Variants in HIPK2 observed in about 807,000 individuals in gnomAD.
HIPK2 encodes homeodomain interacting protein kinase 2.
A neutral mutation model predicts 113.7 loss-of-function variants in HIPK2; 27 were observed. The observed-to-expected ratio is 0.24, with a 90% CI of 0.17 to 0.33. The LOEUF is 0.33. HIPK2 is among the 10% of genes least tolerant of loss of function. HIPK2 has a pLI of 1.00. For synonymous variants in HIPK2, 631 were observed against 642.2 expected (o/e 0.98, Z 0.26); for missense variants, 1,257 against 1,588.0 (o/e 0.79, Z 3.54).
rs185367186 is a variant in HIPK2, at chr7:139,686,270, T to C, written c.1103+29662A>G. Reference sequence around the variant, plus strand: ...ATGTGACTGAATTGCTGCACTCTCATGATCAAACTTAAATGGATGAGGAGT... The same window carrying C: ...ATGTGACTGAATTGCTGCACTCTCACGATCAAACTTAAATGGATGAGGAGT... On this transcript the variant is annotated intron_variant, in intron 2 of 14. Coordinates refer to ENST00000406875, the MANE Select transcript of HIPK2 (RefSeq NM_022740.5). 1.9e-4 allele frequency among the ~76,000 whole-genome samples: 29 copies of C among 152,320 alleles called. No homozygotes were observed. The East Asian group carries it at 5.2e-3, about 27-fold the overall frequency.
rs530921804 is a variant in HIPK2 at position 139,611,015 on chromosome 7, C to T, written c.2112+2187G>A. On this transcript the variant is annotated intron_variant, in intron 9 of 14. Coordinates refer to ENST00000406875, the MANE Select transcript of HIPK2 (RefSeq NM_022740.5). ...TCCAATCAGATCATGCCTCATTACC[C>T]TATGCTTATAAAACCTGACCCAGCC... Among the ~76,000 whole-genome samples the T allele has an allele frequency of 2.6e-5, 4 of 152,350 alleles. No homozygotes were observed. In the East Asian group the frequency reaches 5.8e-4, roughly 22 times the overall value.
intron 10 of HIPK2, among the ~76,000 whole-genome samples, chr7:139,602,233 G>GT (rs1323165107): frequency 2.0e-5 from 3 of 152,162 alleles, no homozygotes; most frequent in Admixed American, 6.5e-5. Context: ...GATTACAGAC[G>GT]TGAGCCACTG....
chr7:139,775,063 T>G (rs1796717597), intron 1 of HIPK2, among the ~76,000 whole-genome samples: 1 of 152,236 alleles, frequency 6.6e-6, no homozygotes, highest in South Asian at 2.1e-4. Flanking sequence ...TCCAACTTGG[T>G]GCAGCAGCAC....
chr7:139,598,589 T>C (rs1249554180), intron 11 of HIPK2, among the ~76,000 whole-genome samples: 2 of 152,224 alleles, frequency 1.3e-5, no homozygotes, highest in African/African-American at 4.8e-5. Context: ...TGCTAAGGCA[T>C]TGGTCTTAAA....
At chr7:139,692,701 A>C (rs942722773) in intron 2 of HIPK2, among the ~76,000 whole-genome samples, 9 of 152,182 alleles carry the variant, frequency 5.9e-5, no homozygotes, top group Admixed American at 1.3e-4. Flanking sequence ...TCACAATAGC[A>C]TCTATATGCA....
chr7:139,693,780 G>A (rs1794484007), intron 2 of HIPK2, among the ~76,000 whole-genome samples: 1 of 151,694 alleles, frequency 6.6e-6, no homozygotes, highest in South Asian at 2.1e-4. Flanking sequence ...AGTCACTTGG[G>A]AAATGTATAC....
chr7:139,729,270 A>C (rs1795690057), intron 1 of HIPK2, among the ~76,000 whole-genome samples: 1 of 149,412 alleles, frequency 6.7e-6, no homozygotes, highest in Non-Finnish European at 1.5e-5. Flanking sequence ...GGTTGCAGCA[A>C]GCTGTGATTG....
At chr7:139,667,418 A>G (rs1802086204) in intron 2 of HIPK2, among the ~76,000 whole-genome samples, 1 of 152,234 alleles carries the variant, frequency 6.6e-6, no homozygotes, top group Admixed American at 6.5e-5. Flanking sequence ...AAGGATATAA[A>G]AATATTCATG....
rs1327815454 is a variant in HIPK2, at chr7:139,683,571, A to G, written c.1103+32361T>C. 3.3e-5 allele frequency among the ~76,000 whole-genome samples: 5 copies of G among 152,142 alleles called. No homozygotes were observed. Among genetic ancestry groups the G allele is most frequent in the African/African-American group, 1.2e-4 (5 of 41,422 alleles). The stretch of plus-strand genomic sequence containing the variant: ...CAGAATCTAATCTTGGAAGTGAAAC[A>G]CCGTCATTTCTGCCAGATTCTCTGG... On this transcript the variant is annotated intron_variant, in intron 2 of 14. Transcript: ENST00000406875. The surrounding 1 kb of genome is among the most constrained non-coding windows in gnomAD (Gnocchi z 4.2).
chr7:139,692,218 T>C (rs910177146), intron 2 of HIPK2, among the ~76,000 whole-genome samples: 25 of 152,288 alleles, frequency 1.6e-4, no homozygotes, highest in African/African-American at 6.0e-4. Context: ...ATACATACAT[T>C]TAATAACATT....
rs139938365 is a variant in HIPK2 at position 139,615,038 on chromosome 7, C to A, written c.1783-545G>T. On this transcript the variant is annotated intron_variant, in intron 7 of 14. Transcript: ENST00000406875. ...GGGTGCCTGGACCTGCCAGCCTGCACGTCCAAGCTCTGCTCACACTCCCCT... is the reference window on the plus strand; with the variant it reads ...GGGTGCCTGGACCTGCCAGCCTGCAAGTCCAAGCTCTGCTCACACTCCCCT... Among the ~76,000 whole-genome samples, 826 of 152,262 alleles carry A rather than the reference C, an allele frequency of 5.4e-3. 6 individuals are homozygous for A. Among genetic ancestry groups the A allele is most frequent in the Non-Finnish European group, 8.9e-3 (603 of 68,024 alleles).
rs773782325 is a variant in HIPK2 at position 139,716,895 on chromosome 7, T to A, written c.140A>T (p.His47Leu). The A allele has an allele frequency of 6.2e-7, 1 of 1,613,796 alleles. No individual in the cohort carries two copies. Among genetic ancestry groups the A allele is most frequent in the Non-Finnish European group, 8.5e-7 (1 of 1,179,862 alleles). Residue 47 changes from histidine to leucine, a missense_variant, in exon 2 of 15, where the codon CAC becomes CTC. By Grantham distance (99) the His-to-Leu change is moderately conservative. Coordinates refer to ENST00000406875, the MANE Select transcript of HIPK2 (RefSeq NM_022740.5). The surrounding 1 kb of genome is among the most constrained non-coding windows in gnomAD (Gnocchi z 9.3). ...SNWDMTGYGSHSKVYSQSKNI... is the reference protein window; with the variant it reads ...SNWDMTGYGSLSKVYSQSKNI... ...CTTGCTCTGGCTATACACTTTGCTG[T>A]GGGAGCCGTACCCAGTCATGTCCCA...
At chr7:139,684,267 G>C (rs914182684) in intron 2 of HIPK2, among the ~76,000 whole-genome samples, 1 of 152,004 alleles carries the variant, frequency 6.6e-6, no homozygotes, top group Non-Finnish European at 1.5e-5. Context: ...CTTCTTCTCG[G>C]GCCTCTCTCT....
At chr7:139,605,432 A>G (rs959837347) in intron 9 of HIPK2, among the ~76,000 whole-genome samples, 26 of 152,174 alleles carry the variant, frequency 1.7e-4, no homozygotes, top group African/African-American at 6.0e-4. Context: ...TATCTTAGCC[A>G]TCTCTCTTTC....
intron 10 of HIPK2, among the ~76,000 whole-genome samples, chr7:139,603,488 CAGG>C (rs767873996): frequency 2.6e-4 from 39 of 152,112 alleles, no homozygotes; most frequent in Non-Finnish European, 5.1e-4. Context: ...GGCAGGCAGT[CAGG>C]TGGACGCCTC....
At chr7:139,766,675 T>C (rs2117161445) in intron 1 of HIPK2, among the ~76,000 whole-genome samples, 1 of 152,310 alleles carries the variant, frequency 6.6e-6, no homozygotes, top group African/African-American at 2.4e-5. Flanking sequence ...TGGCGACAAG[T>C]GGACTGAGGT....
chr7:139,693,810 T>G lies in HIPK2; in HGVS notation c.1103+22122A>C, dbSNP rs540147528. Among the ~76,000 whole-genome samples the G allele has an allele frequency of 7.9e-5, 12 of 152,274 alleles. 1 individual carries two copies. The South Asian group carries it at 1.7e-3, about 21-fold the overall frequency. ...GTATACACACATGATATCTTTATTC[T>G]CCAATAATGTGTGACTCAGGTAAAC... On this transcript the variant is annotated intron_variant, in intron 2 of 14. Transcript: ENST00000406875.
chr7:139,736,513 C>T (rs1795943335), intron 1 of HIPK2, among the ~76,000 whole-genome samples: 1 of 152,200 alleles, frequency 6.6e-6, no homozygotes. Context: ...ACCCTCCTGG[C>T]ACAGATGCCC....
intron 2 of HIPK2, among the ~76,000 whole-genome samples, chr7:139,708,355 T>C (rs1298218109): frequency 1.3e-5 from 2 of 151,696 alleles, no homozygotes; most frequent in Non-Finnish European, 2.9e-5. Context: ...TGTAAGTAAA[T>C]CATACCTCAA....
Sources: allele counts gnomAD v4.1 joint callset (sites outside exome capture counted in the v4.1 genomes callset), GRCh38; gene constraint gnomAD v4.1.1; non-coding constraint Gnocchi (gnomAD v3.1); transcripts MANE v1.5; gene names NCBI Gene and HGNC (gene_info 2026-07-23, HGNC 2026-07-21).